ADARB2: variants seen among roughly 807,000 people sequenced by gnomAD.
ADARB2 encodes inactive double-stranded RNA-specific editase B2.
Under a neutral mutation model 62.2 loss-of-function variants are expected in ADARB2, and 25 were observed. That is an observed-to-expected ratio of 0.40 (90% CI 0.29 to 0.56). The LOEUF (loss-of-function observed/expected upper bound fraction) is 0.56, where lower values mean the gene tolerates loss of function less well. Among genes scored for constraint, ADARB2 ranks in the 20% least tolerant of loss-of-function variants. The pLI is 0.43. For synonymous variants in ADARB2, 572 were observed against 500.8 expected, an observed-to-expected ratio of 1.14 and a Z score of -1.90; for missense variants, 1,071 against 1,077.4, an observed-to-expected ratio of 0.99 and a Z score of 0.08.
intron 1 of ADARB2, among the ~76,000 whole-genome samples, chr10:1,470,534 T>C (rs1831307921): frequency 6.6e-6 from 1 of 152,174 alleles, no homozygotes; most frequent in Admixed American, 6.5e-5. Flanking sequence ...TAACAAGGGC[T>C]CTTCCCCTGA....
At chr10:1,276,846 T>A (rs1275862736) in intron 3 of ADARB2, among the ~76,000 whole-genome samples, 5 of 152,166 alleles carry the variant, frequency 3.3e-5, no homozygotes, top group Non-Finnish European at 7.3e-5. Context: ...AATTGACCAC[T>A]TAGTTGGAAG....
At chr10:1,278,570 T>C (rs1333317499) in intron 3 of ADARB2, among the ~76,000 whole-genome samples, 1 of 152,052 alleles carries the variant, frequency 6.6e-6, no homozygotes, top group Non-Finnish European at 1.5e-5. Context: ...TCCAGCTGCA[T>C]CCATGTAGCT....
chr10:1,565,100 C>G (rs181249187), intron 1 of ADARB2, among the ~76,000 whole-genome samples: 1 of 152,222 alleles, frequency 6.6e-6, no homozygotes, highest in Non-Finnish European at 1.5e-5. Flanking sequence ...CTTCTGATTA[C>G]GCTGGCACCA....
chr10:1,589,705 G>A (rs890337669), intron 1 of ADARB2, among the ~76,000 whole-genome samples: 29 of 152,260 alleles, frequency 1.9e-4, no homozygotes, highest in African/African-American at 6.7e-4. Flanking sequence ...ATGGAGTCTC[G>A]CTCTGTCGCC....
chr10:1,736,841 T>C (rs1236497795), intron 1 of ADARB2, among the ~76,000 whole-genome samples: 2 of 152,190 alleles, frequency 1.3e-5, no homozygotes, highest in Non-Finnish European at 1.5e-5. Context: ...TGTCGCAGCG[T>C]GGCTGCTCAC....
chr10:1,383,801 C>T (rs1832503941), intron 1 of ADARB2, among the ~76,000 whole-genome samples: 1 of 152,184 alleles, frequency 6.6e-6, no homozygotes, highest in South Asian at 2.1e-4. Flanking sequence ...AGGCTTCCAG[C>T]CTACAGTTGC....
chr10:1,259,235 A>T (rs907255556), intron 4 of ADARB2, among the ~76,000 whole-genome samples: 6 of 152,216 alleles, frequency 3.9e-5, no homozygotes, highest in African/African-American at 1.4e-4. Flanking sequence ...TCACAGTGAA[A>T]AGAACTAGAC....
intron 2 of ADARB2, among the ~76,000 whole-genome samples, chr10:1,368,769 C>T (rs1328880411): frequency 6.6e-6 from 1 of 152,266 alleles, no homozygotes; most frequent in East Asian, 1.9e-4. Context: ...CAGGCTTTGC[C>T]TCTTTGGTCC....
chr10:1,645,870 A>G (rs1834034504), intron 1 of ADARB2, among the ~76,000 whole-genome samples: 1 of 152,198 alleles, frequency 6.6e-6, no homozygotes, highest in African/African-American at 2.4e-5. Context: ...TTCTTCATTT[A>G]TCAGGTTTAT....
chr10:1,253,164 C>T (rs1380627791), intron 4 of ADARB2, among the ~76,000 whole-genome samples: 1 of 152,168 alleles, frequency 6.6e-6, no homozygotes, highest in Non-Finnish European at 1.5e-5. Flanking sequence ...TAACATGTGC[C>T]TGATACACAG....
intron 1 of ADARB2, among the ~76,000 whole-genome samples, chr10:1,686,416 C>G (rs1376022298): frequency 2.6e-5 from 4 of 152,212 alleles, no homozygotes; most frequent in African/African-American, 9.6e-5. Flanking sequence ...AAAACTACAG[C>G]TGCCGCAAGC....
intron 1 of ADARB2, among the ~76,000 whole-genome samples, chr10:1,601,465 C>T (rs952792723): frequency 7.2e-5 from 11 of 152,222 alleles, no homozygotes; most frequent in African/African-American, 2.7e-4. Flanking sequence ...TTCAATTTTC[C>T]TGTAACAACA....
intron 1 of ADARB2, among the ~76,000 whole-genome samples, chr10:1,387,236 T>A (rs190427194): frequency 6.6e-6 from 1 of 151,822 alleles, no homozygotes; most frequent in Non-Finnish European, 1.5e-5. Flanking sequence ...AAACCAAAGT[T>A]GTTAGAGGAA....
rs1024843995 is a variant in ADARB2, at chr10:1,477,202, G to C, written c.101-98042C>G. 6.7e-6 allele frequency among the ~76,000 whole-genome samples: 1 copy of C among 150,296 alleles called. No homozygotes were observed. Among genetic ancestry groups the C allele is most frequent in the Non-Finnish European group, 1.5e-5 (1 of 68,002 alleles). On this transcript the variant is annotated intron_variant, in intron 1 of 9. Transcript: ENST00000381312. The surrounding 1 kb of genome is among the most constrained non-coding windows in gnomAD (Gnocchi z 4.5). The stretch of plus-strand genomic sequence containing the variant: ...CATGGCTAACACCACTTCCTTACAG[G>C]AGAAGTGACTGCACTGATCAGAAGT...
rs1418892403 is a variant in ADARB2, at chr10:1,186,652, G to A, written c.1865-1613C>T. The A allele has an allele frequency of 6.2e-6, 3 of 481,882 alleles. No individual in the cohort carries two copies. The Admixed American group carries it at 6.6e-5, about 11-fold the overall frequency. The allele number at this position is 481,882 out of a possible 1,614,324, so 29.9% of individuals were successfully genotyped here. A position where few individuals can be genotyped will look rare whatever the true frequency, so the allele number is the denominator to read the frequency against. On this transcript the variant is annotated intron_variant, in intron 8 of 9. Coordinates refer to ENST00000381312, the MANE Select transcript of ADARB2 (RefSeq NM_018702.4). ...GAGCGGGGCCCCTGAGTTCTCGGGGGCCCGTCATGCATCACGTGAGATGGC... is the reference window on the plus strand; with the variant it reads ...GAGCGGGGCCCCTGAGTTCTCGGGGACCCGTCATGCATCACGTGAGATGGC...
At chr10:1,258,145 C>T (rs539855438) in intron 4 of ADARB2, among the ~76,000 whole-genome samples, 110 of 152,102 alleles carry the variant, frequency 7.2e-4, no homozygotes, top group Non-Finnish European at 1.4e-3. Context: ...TCCCTCCCTC[C>T]CTAACTCTTT....
chr10:1,582,957 C>T (rs2944718), intron 1 of ADARB2, among the ~76,000 whole-genome samples: 2 of 152,104 alleles, frequency 1.3e-5, no homozygotes, highest in Non-Finnish European at 2.9e-5. Context: ...TCTTGGAAAG[C>T]CCTCCCTGGT....
intron 1 of ADARB2, among the ~76,000 whole-genome samples, chr10:1,449,248 C>T (rs1368382017): frequency 6.6e-6 from 1 of 152,196 alleles, no homozygotes; most frequent in Admixed American, 6.5e-5. Context: ...CTGCCTCGGT[C>T]AGGGCTGCCC....
intron 1 of ADARB2, among the ~76,000 whole-genome samples, chr10:1,612,842 C>T (rs72766716): frequency 0.14 from 21,216 of 152,224 alleles, 1,767 homozygotes; most frequent in South Asian, 0.3. Context: ...CTCTGCAAAA[C>T]CTAAGCTACT....
Sources: allele counts gnomAD v4.1 joint callset (sites outside exome capture counted in the v4.1 genomes callset), GRCh38; gene constraint gnomAD v4.1.1; non-coding constraint Gnocchi (gnomAD v3.1); transcripts MANE v1.5; gene names NCBI Gene and HGNC (gene_info 2026-07-23, HGNC 2026-07-21).